Variants in LGALS12 observed in about 807,000 individuals in gnomAD.
LGALS12 encodes the protein galectin 12, also known as galectin-12.
In LGALS12, 36 loss-of-function variants were observed where a neutral mutation model predicts 36.8. That is an observed-to-expected ratio of 0.98 (90% confidence interval 0.75 to 1.29). The LOEUF (loss-of-function observed/expected upper bound fraction) is 1.29. Ranked by LOEUF, LGALS12 falls within the 50% of genes most tolerant of loss-of-function variation. LGALS12 has a pLI of 0.00. For synonymous variants in LGALS12, 145 were observed against 155.9 expected, an observed-to-expected ratio of 0.93 and a Z score of 0.52; for missense variants, 366 against 394.3, an observed-to-expected ratio of 0.93 and a Z score of 0.61.
Position 63,506,528 on chromosome 11 carries a change from G to C in LGALS12, c.69+1G>C. ...TCTGCAACCACCAGTCTTCCACCCGGTGAGTTGTCACTCTAATGTGGAACC... is the reference window on the plus strand; with the variant it reads ...TCTGCAACCACCAGTCTTCCACCCGCTGAGTTGTCACTCTAATGTGGAACC... On this transcript the variant is annotated splice_donor_variant, in intron 1 of 8. Coordinates refer to ENST00000394618, the MANE Select transcript of LGALS12 (RefSeq NM_033101.4). LOFTEE classifies it high-confidence loss of function. 1 of 1,614,188 alleles carries C rather than the reference G, an allele frequency of 6.2e-7. No homozygotes were observed. Among genetic ancestry groups the C allele is most frequent in the Admixed American group, 1.7e-5 (1 of 60,030 alleles).
intron 3 of LGALS12, among the ~76,000 whole-genome samples, chr11:63,509,480 C>T (rs2016849908): frequency 6.6e-6 from 1 of 152,168 alleles, no homozygotes; most frequent in South Asian, 2.1e-4. Context: ...TCTTGAGCCT[C>T]AGTTTCCTCA....
intron 6 of LGALS12, among the ~76,000 whole-genome samples, 175 bp from the exon 7 acceptor site, chr11:63,511,577 G>A (rs978591838): frequency 3.3e-5 from 5 of 152,326 alleles, no homozygotes; most frequent in Middle Eastern, 3.4e-3. Context: ...GCCGGGGAAA[G>A]TGTTCGGCAA....
intron 8 of LGALS12, 129 bp from the exon 9 acceptor site, chr11:63,516,118 G>T: frequency 8.4e-7 from 1 of 1,185,284 alleles, no homozygotes; most frequent in Non-Finnish European, 1.2e-6. Flanking sequence ...TTCCAGCACT[G>T]TACTGGGTGC....
chr11:63,515,328 T>C (rs1349766127), intron 7 of LGALS12, among the ~76,000 whole-genome samples: 6 of 152,222 alleles, frequency 3.9e-5, no homozygotes, highest in African/African-American at 1.4e-4. Flanking sequence ...CATCCTCCTG[T>C]AGTCATAGAT....
At position 63,516,512 on chromosome 11, in the gene LGALS12, C is replaced by A; in HGVS notation, c.*119C>A. ...CCAGCACATCAGGCCTGGTTCACCT[C>A]TGGGGTCACGAGACTGAGTCTACAG... On this transcript the variant is annotated 3_prime_UTR_variant, in exon 9 of 9. Coordinates refer to ENST00000394618, the MANE Select transcript of LGALS12 (RefSeq NM_033101.4). The A allele has an allele frequency of 8.2e-7, 1 of 1,217,208 alleles. No individual in the cohort carries two copies. The highest frequency in any genetic ancestry group is 2.4e-5 in the East Asian group (1 of 40,840). The allele number at this position is 1,217,208 out of a possible 1,614,324, so 75.4% of individuals were successfully genotyped here. A position where few individuals can be genotyped will look rare whatever the true frequency, so the allele number is the denominator to read the frequency against.
chr11:63,510,433 C>G (rs749029250), intron 4 of LGALS12, 30 bp from the exon 5 acceptor site: 2 of 1,613,028 alleles, frequency 1.2e-6, no homozygotes, highest in East Asian at 2.2e-5. Context: ...GTCCTAAATG[C>G]TGCTGATTCT....
rs2017063127 is a variant in LGALS12 at position 63,515,780 on chromosome 11, T to G, written c.798+67T>G. ...ACAGAGCTGAAGTCCCATAATGACC[T>G]GGGAGATGCTGGGGCAGGTGTGCAG... On this transcript the variant is annotated intron_variant, in intron 8 of 8. Coordinates refer to ENST00000394618, the MANE Select transcript of LGALS12 (RefSeq NM_033101.4). The G allele has an allele frequency of 2.6e-6, 4 of 1,527,974 alleles. No homozygotes were observed. The South Asian group carries it at 3.6e-5, about 14-fold the overall frequency. The allele number at this position is 1,527,974 out of a possible 1,614,324, so 94.7% of individuals were successfully genotyped here.
intron 1 of LGALS12, among the ~76,000 whole-genome samples, chr11:63,507,674 G>A (rs910392388): frequency 1.3e-5 from 2 of 150,486 alleles, no homozygotes; most frequent in Admixed American, 6.6e-5. Flanking sequence ...GCCCAGAAAA[G>A]GCAGGAAGTT....
In LGALS12 at chr11:63,516,313, A is replaced by G; in HGVS notation, c.865A>G (p.Ser289Gly). 1 of 1,612,850 alleles carries G rather than the reference A, an allele frequency of 6.2e-7. No homozygotes were observed. Among genetic ancestry groups the G allele is most frequent in the Non-Finnish European group, 8.5e-7 (1 of 1,179,480 alleles). ...CAATGGGCAGGGGCTGGGGGCCACC[A>G]GCATGAACCAGCAGGCCCTGGAGCA... ...ALNGQGLGAT[S>G]MNQQALEQLR... The change falls in exon 9 of 9, where the codon AGC becomes GGC. Residue 289 changes from serine to glycine, a missense_variant. Coordinates refer to ENST00000394618, the MANE Select transcript of LGALS12 (RefSeq NM_033101.4).
At chr11:63,515,806 G>C in intron 8 of LGALS12, 93 bp downstream of exon 8, 2 of 1,400,914 alleles carry the variant, frequency 1.4e-6, no homozygotes, top group Non-Finnish European at 2.0e-6. Context: ...AGGTGTGCAG[G>C]ACAGATGTTA....
intron 1 of LGALS12, among the ~76,000 whole-genome samples, chr11:63,507,257 A>G (rs2016767952): frequency 6.6e-6 from 1 of 152,132 alleles, no homozygotes; most frequent in Non-Finnish European, 1.5e-5. Context: ...TCCTTGCTTT[A>G]GAGGCTGAGA....
chr11:63,508,902 T>G lies in LGALS12; in HGVS notation c.283T>G (p.Trp95Gly). The G allele has an allele frequency of 6.2e-7, 1 of 1,614,224 alleles. No individual in the cohort carries two copies. The highest frequency in any genetic ancestry group is 8.5e-7 in the Non-Finnish European group (1 of 1,180,014). ...CTGCAACACCCTGCATGGTGGACGC[T>G]GGCAAAGGGAGGCCCGGTGGCCCCA... Reference protein sequence around the residue: ...VICNTLHGGRWQREARWPHLA... With the variant: ...VICNTLHGGRGQREARWPHLA... Residue 95 changes from tryptophan to glycine, a missense_variant, in exon 3 of 9, where the codon TGG becomes GGG. By Grantham distance (184) the Trp-to-Gly change is radical (BLOSUM62 -2). Coordinates refer to ENST00000394618, the MANE Select transcript of LGALS12 (RefSeq NM_033101.4).
chr11:63,512,460 C>G (rs1310608720), intron 7 of LGALS12, among the ~76,000 whole-genome samples: 1 of 152,208 alleles, frequency 6.6e-6, no homozygotes, highest in Non-Finnish European at 1.5e-5. Flanking sequence ...AGGACAGATA[C>G]TTTTCCTCTC....
Position 63,506,354 on chromosome 11 carries a change from G to C in LGALS12, c.-105G>C. 6.2e-7 allele frequency: 1 copy of C among 1,613,152 alleles called. No homozygotes were observed. Among genetic ancestry groups the C allele is most frequent in the East Asian group, 2.2e-5 (1 of 44,880 alleles). ...GGTCGCAGGTGAGACTAACAGCTGG[G>C]AGAGCTGCTCCAGGCATTTAGGACC... On this transcript the variant is annotated 5_prime_UTR_variant, in exon 1 of 9. Coordinates refer to ENST00000394618, the MANE Select transcript of LGALS12 (RefSeq NM_033101.4).
chr11:63,510,631 C>G, intron 5 of LGALS12, 130 bp downstream of exon 5: 1 of 822,026 alleles, frequency 1.2e-6, no homozygotes, highest in Non-Finnish European at 2.0e-6. Context: ...ATGGCTGGCT[C>G]TGCTTCAGTC....
At chr11:63,511,267 G>T (rs926734223) in intron 6 of LGALS12, among the ~76,000 whole-genome samples, 162 bp downstream of exon 6, 2 of 127,284 alleles carry the variant, frequency 1.6e-5, no homozygotes, top group African/African-American at 3.1e-5. Context: ...GCCCCCAGCC[G>T]CATGATTTCC....
At chr11:63,509,955 C>G in intron 4 of LGALS12, 58 bp downstream of exon 4, 1 of 1,569,228 alleles carries the variant, frequency 6.4e-7, no homozygotes, top group Non-Finnish European at 8.6e-7. Flanking sequence ...CCCCTGACTC[C>G]TGGACGGGCC....
At position 63,510,469 on chromosome 11, in the gene LGALS12, G is replaced by T; in HGVS notation, c.499G>T (p.Val167Leu). ...AVGFLNINPF[V>L]EGSREYPAGH... ...TTTCTCTCTTTCTGAACAGCCATTT[G>T]TGGAGGGCAGCAGAGAGTACCCAGC... is the stretch of plus-strand genomic sequence containing the variant. Residue 167 changes from valine to leucine, a missense_variant, in exon 5 of 9, where the codon GTG (valine) becomes TTG (leucine). Physicochemically the swap from Val to Leu is conservative, Grantham distance 32. Transcript: ENST00000394618. 1 of 1,614,166 alleles carries T rather than the reference G, an allele frequency of 6.2e-7. No homozygotes were observed. The highest frequency in any genetic ancestry group is 1.1e-5 in the South Asian group (1 of 91,086).
chr11:63,512,785 T>A lies in LGALS12; in HGVS notation c.647+945T>A, dbSNP rs374801982. 9.6e-5 allele frequency among the ~76,000 whole-genome samples: 12 copies of A among 124,854 alleles called. No homozygotes were observed. In the East Asian group the frequency reaches 2.2e-3, roughly 23 times the overall value. 81.9% of individuals were successfully genotyped at this position (124,854 alleles called of 152,430 possible). ...GCCTGGGCAATAGAGCAAGACTCCA[T>A]CTCAAAAAAAAAAAAAAAAGATAGA... On this transcript the variant is annotated intron_variant, in intron 7 of 8. Coordinates refer to ENST00000394618, the MANE Select transcript of LGALS12 (RefSeq NM_033101.4).
Sources: allele counts gnomAD v4.1 joint callset (sites outside exome capture counted in the v4.1 genomes callset), GRCh38; gene constraint gnomAD v4.1.1; transcripts MANE v1.5; gene names NCBI Gene and HGNC (gene_info 2026-07-23, HGNC 2026-07-21).